Variants in DNMT1 observed in about 807,000 individuals in gnomAD.
The protein encoded by DNMT1 is DNA (cytosine-5)-methyltransferase 1.
Under a neutral mutation model 205.3 loss-of-function variants are expected in DNMT1, and 24 were observed. The observed-to-expected ratio is 0.12, with a 90% CI of 0.08 to 0.16. The LOEUF (loss-of-function observed/expected upper bound fraction) is 0.16, where lower values mean the gene tolerates loss of function less well. Among genes scored for constraint, DNMT1 ranks in the 10% least tolerant of loss-of-function variants. The probability of loss-of-function intolerance (pLI) is 1.00; values close to 1 mark genes in which losing one functional copy is unlikely to be tolerated. For missense variants in DNMT1, 1,293 were observed against 2,177.7 expected (o/e 0.59, Z 8.09); for synonymous variants, 817 against 839.8 (o/e 0.97, Z 0.47).
At chr19:10,157,755 G>A (rs1401958253) in intron 17 of DNMT1, among the ~76,000 whole-genome samples, 2 of 152,242 alleles carry the variant, frequency 1.3e-5, no homozygotes, top group African/African-American at 4.8e-5. Flanking sequence ...GCCTCAGGAT[G>A]TAAGGCCCAG....
At chr19:10,173,494 T>C (rs1450257957) in intron 8 of DNMT1, among the ~76,000 whole-genome samples, 1 of 134,196 alleles carries the variant, frequency 7.5e-6, no homozygotes, top group African/African-American at 2.9e-5. Flanking sequence ...CTTTTTAAAC[T>C]TTTTTTTTTT....
rs2089575759 is a variant in DNMT1, at chr19:10,140,243, G to A, written c.3609C>T (p.Phe1203=). The change falls in exon 33 of 41, where the codon TTC becomes TTT. Residue 1203 remains phenylalanine, a synonymous_variant. Transcript: ENST00000359526. The surrounding 1 kb of genome is among the most constrained non-coding windows in gnomAD (Gnocchi z 8.4). ...TCAGCAGGATGTTGCAGTCCTCTGTGAACACTGTGGAGCCGGGGTTGTTCA... is the reference window on the plus strand; with the variant it reads ...TCAGCAGGATGTTGCAGTCCTCTGTAAACACTGTGGAGCCGGGGTTGTTCA... The part of the protein sequence containing the change: ...FRLNNPGSTV[F]TEDCNILLKL... The A allele has an allele frequency of 6.2e-7, 1 of 1,614,046 alleles. No individual in the cohort carries two copies. The highest frequency in any genetic ancestry group is 8.5e-7 in the Non-Finnish European group (1 of 1,180,028).
chr19:10,177,333 T>G lies in DNMT1; in HGVS notation c.528A>C (p.Lys176Asn). The G allele has an allele frequency of 3.7e-6, 6 of 1,614,020 alleles. No homozygotes were observed. The highest frequency in any genetic ancestry group is 5.1e-6 in the Non-Finnish European group (6 of 1,180,000). The change falls in exon 6 of 41, where the codon AAA (lysine) becomes AAC (asparagine). Residue 176 changes from lysine to asparagine, a missense_variant. Around this residue, in one of 13 missense-constraint regions of DNMT1, gnomAD observed 394 missense variants for 451.6 expected, o/e 0.87. Coordinates refer to ENST00000359526, the MANE Select transcript of DNMT1 (RefSeq NM_001130823.3). ...EPSPSPRITR[K>N]STRQTTITSH... The stretch of plus-strand genomic sequence containing the variant: ...ATGTGATGGTGGTTTGCCTGGTGCT[T>G]TTCCTTGTAATCCTGGGGCTAGGTG...
chr19:10,162,812 C>A (rs1313697971), intron 12 of DNMT1, 64 bp from the exon 13 acceptor site: 4 of 1,566,226 alleles, frequency 2.6e-6, no homozygotes, highest in East Asian at 4.5e-5. Flanking sequence ...CGCCAACTCG[C>A]ACGGAAAGTG....
chr19:10,163,811 G>C (rs952760250), intron 11 of DNMT1, among the ~76,000 whole-genome samples: 1 of 152,172 alleles, frequency 6.6e-6, no homozygotes, highest in Non-Finnish European at 1.5e-5. Flanking sequence ...GGGAAGCTAA[G>C]GCAGGAGGAT....
At chr19:10,155,512 A>C (rs778770242) in intron 19 of DNMT1, among the ~76,000 whole-genome samples, 1 of 152,058 alleles carries the variant, frequency 6.6e-6, no homozygotes, top group African/African-American at 2.4e-5. Flanking sequence ...TAATTTTTGT[A>C]TTTTTGGTAG....
Position 10,137,806 on chromosome 19 carries a change from G to A in DNMT1, c.4293+26C>T, listed in dbSNP as rs756726375. The A allele has an allele frequency of 8.1e-6, 13 of 1,608,620 alleles. No homozygotes were observed. In the East Asian group the frequency reaches 1.3e-4, roughly 17 times the overall value. The stretch of plus-strand genomic sequence containing the variant: ...GGCTGCTGGGCTGGGCCTCGAGGAG[G>A]AGCCGCTCTGTCAGGGTGCCATTAC... On this transcript the variant is annotated intron_variant, in intron 36 of 40. Coordinates refer to ENST00000359526, the MANE Select transcript of DNMT1 (RefSeq NM_001130823.3). The surrounding 1 kb of genome is among the most constrained non-coding windows in gnomAD (Gnocchi z 6.4).
chr19:10,172,435 C>T (rs1418995500), intron 9 of DNMT1, among the ~76,000 whole-genome samples: 1 of 151,476 alleles, frequency 6.6e-6, no homozygotes, highest in Non-Finnish European at 1.5e-5. Context: ...GTTTTAGCAC[C>T]TCGTACGTCT....
intron 5 of DNMT1, among the ~76,000 whole-genome samples, chr19:10,179,654 T>C (rs2039004528): frequency 6.6e-6 from 1 of 152,154 alleles, no homozygotes; most frequent in Non-Finnish European, 1.5e-5. Flanking sequence ...CAAGTTTAAC[T>C]GCCCCCTTAT....
In DNMT1 at chr19:10,160,076, A is replaced by G; in HGVS notation, c.1044-13T>C. 3.1e-6 allele frequency: 5 copies of G among 1,613,098 alleles called. No homozygotes were observed. Among genetic ancestry groups the G allele is most frequent in the Non-Finnish European group, 4.2e-6 (5 of 1,180,030 alleles). On this transcript the variant is annotated splice_polypyrimidine_tract_variant and intron_variant, in intron 14 of 40. Transcript: ENST00000359526. ...TTTTTTCTCCGTTCTGGGGGAAAAAAAAAAATCACAAGATCGTTTGTTTAA... is the reference window on the plus strand; with the variant it reads ...TTTTTTCTCCGTTCTGGGGGAAAAAGAAAAATCACAAGATCGTTTGTTTAA...
intron 10 of DNMT1, 23 bp from the exon 11 acceptor site, chr19:10,166,708 C>A (rs745369781): frequency 6.2e-7 from 1 of 1,613,832 alleles, no homozygotes; most frequent in Non-Finnish European, 8.5e-7. Context: ...ACAACACACA[C>A]ACAGGCTGGT....
intron 9 of DNMT1, among the ~76,000 whole-genome samples, chr19:10,171,534 G>A (rs1429405676): frequency 7.2e-5 from 11 of 152,074 alleles, no homozygotes; most frequent in East Asian, 1.9e-4. Flanking sequence ...GGCTAGGCGC[G>A]GTGGTTCACG....
chr19:10,184,679 G>C (rs1419238816), intron 1 of DNMT1: 1 of 152,228 alleles, frequency 6.6e-6, no homozygotes, highest in Non-Finnish European at 1.5e-5. Flanking sequence ...AGAAGAGAAG[G>C]TACCAAGGAA....
chr19:10,143,625 C>T (rs1023112744), intron 29 of DNMT1, 141 bp downstream of exon 29: 43 of 955,984 alleles, frequency 4.5e-5, no homozygotes, highest in Middle Eastern at 3.1e-4. Context: ...CAGTGCCCAC[C>T]GATAATCAGA....
At chr19:10,167,320 C>T (rs1234522722) in intron 10 of DNMT1, among the ~76,000 whole-genome samples, 1 of 152,104 alleles carries the variant, frequency 6.6e-6, no homozygotes, top group East Asian at 1.9e-4. Flanking sequence ...CTCAGTCTCC[C>T]AAGTAGCTGG....
chr19:10,177,318 G>A lies in DNMT1; in HGVS notation c.543C>T (p.Thr181=). ...CCTTTGCAAAATGAGATGTGATGGT[G>A]GTTTGCCTGGTGCTTTTCCTTGTAA... ...PRITRKSTRQ[T]TITSHFAKGP... The change falls in exon 6 of 41, where the codon ACC becomes ACT. Residue 181 remains threonine (T), a synonymous_variant. Transcript: ENST00000359526. 1 of 1,613,924 alleles carries A rather than the reference G, an allele frequency of 6.2e-7. No individual in the cohort carries two copies. The highest frequency in any genetic ancestry group is 1.7e-5 in the Admixed American group (1 of 59,966).
chr19:10,158,016 G>T (rs1284718722), intron 17 of DNMT1, among the ~76,000 whole-genome samples: 1 of 152,212 alleles, frequency 6.6e-6, no homozygotes. Context: ...AGGCAGTCCA[G>T]CTCCAGTGGA....
In DNMT1 at chr19:10,137,130, G is replaced by A. The variant is rs147984942; in HGVS notation, c.4444C>T (p.Arg1482Cys). 1.8e-5 allele frequency: 29 copies of A among 1,611,134 alleles called. No homozygotes were observed. The highest frequency in any genetic ancestry group is 1.7e-4 in the African/African-American group (13 of 74,908). The change falls in exon 37 of 41, where the codon CGC becomes TGC. Residue 1482 changes from arginine to cysteine, a missense_variant. By Grantham distance (180) the Arg-to-Cys change is radical (BLOSUM62 -3). Coordinates refer to ENST00000359526, the MANE Select transcript of DNMT1 (RefSeq NM_001130823.3). The surrounding 1 kb of genome is among the most constrained non-coding windows in gnomAD (Gnocchi z 6.4). ...RYTHHDRKNG[R>C]SSSGALRGVC... ...CCACGGAGGGCCCCAGAGCTGCTGC[G>A]GCCGTTCTTCCTGTCATGGTGGGTA...
chr19:10,138,044 T>C lies in DNMT1; in HGVS notation c.4116-35A>G. On this transcript the variant is annotated intron_variant, in intron 35 of 40. Transcript: ENST00000359526. This position sits in a 1 kb window ranked among gnomAD's most constrained non-coding sequence, Gnocchi z 4.1. ...AGGAGGAGGTCAACACCTCTGGAGA[T>C]GCACGCAGCAGCTGTCCCCTCATCA... is the stretch of plus-strand genomic sequence containing the variant. 1 of 1,594,696 alleles carries C rather than the reference T, an allele frequency of 6.3e-7. No homozygotes were observed. Among genetic ancestry groups the C allele is most frequent in the Non-Finnish European group, 8.5e-7 (1 of 1,170,648 alleles).
Sources: gnomAD v4.1 joint callset for allele counts (sites outside exome capture counted in the v4.1 genomes callset) on GRCh38, gnomAD v4.1.1 for gene constraint, gnomAD v4.1.1 regional missense constraint, Gnocchi (gnomAD v3.1) non-coding constraint, MANE v1.5 for transcripts, NCBI Gene and HGNC (gene_info 2026-07-23, HGNC 2026-07-21) for gene names.